SEMA6D: variants seen among roughly 807,000 people sequenced by gnomAD.
The protein encoded by SEMA6D is semaphorin-6D.
A neutral mutation model predicts 106.6 loss-of-function variants in SEMA6D; 35 were observed. The observed-to-expected ratio is 0.33, with a 90% CI of 0.25 to 0.44. The LOEUF is 0.44. SEMA6D is among the 20% of genes least tolerant of loss of function. The pLI is 1.00. For synonymous variants in SEMA6D, 499 were observed against 487.7 expected (o/e 1.02, Z -0.31); for missense variants, 1,185 against 1,345.9 (o/e 0.88, Z 1.87).
At chr15:47,271,021 A>C (rs1446873141) in intron 1 of SEMA6D, among the ~76,000 whole-genome samples, 1 of 152,190 alleles carries the variant, frequency 6.6e-6, no homozygotes, top group Non-Finnish European at 1.5e-5. Flanking sequence ...TGTACAAAGC[A>C]TTAACTATGT....
intron 4 of SEMA6D, among the ~76,000 whole-genome samples, chr15:47,706,797 A>G (rs1351072932): frequency 1.3e-5 from 2 of 150,968 alleles, no homozygotes; most frequent in Non-Finnish European, 3.0e-5. Context: ...CATAATATGA[A>G]TGAAGGAACA....
At chr15:47,487,203 A>T (rs1302814470) in intron 3 of SEMA6D, among the ~76,000 whole-genome samples, 2 of 152,224 alleles carry the variant, frequency 1.3e-5, no homozygotes, top group African/African-American at 4.8e-5. Flanking sequence ...TGCAAGTGAC[A>T]TTGTGCAAGA....
intron 3 of SEMA6D, among the ~76,000 whole-genome samples, chr15:47,555,128 C>G (rs2045879279): frequency 6.6e-6 from 1 of 152,072 alleles, no homozygotes; most frequent in Non-Finnish European, 1.5e-5. Flanking sequence ...GAGCCACTTC[C>G]CCAGGAGGAT....
At chr15:47,646,287 A>G (rs1253964745) in intron 4 of SEMA6D, among the ~76,000 whole-genome samples, 1 of 152,178 alleles carries the variant, frequency 6.6e-6, no homozygotes, top group Non-Finnish European at 1.5e-5. Flanking sequence ...CGGTTTTAGA[A>G]GCCGTATGCC....
chr15:47,732,709 T>C (rs2080200880), intron 1 of SEMA6D, among the ~76,000 whole-genome samples: 1 of 152,224 alleles, frequency 6.6e-6, no homozygotes, highest in South Asian at 2.1e-4. Flanking sequence ...ATTCAAAGTT[T>C]GGTGTTTGGC....
At chr15:47,613,588 A>T (rs925563231) in intron 4 of SEMA6D, among the ~76,000 whole-genome samples, 3 of 152,184 alleles carry the variant, frequency 2.0e-5, no homozygotes, top group Admixed American at 6.5e-5. Flanking sequence ...ATTGTAAGTA[A>T]AGAAAATATT....
intron 3 of SEMA6D, among the ~76,000 whole-genome samples, chr15:47,525,690 G>T (rs1263214046): frequency 6.6e-6 from 1 of 152,070 alleles, no homozygotes; most frequent in Non-Finnish European, 1.5e-5. Context: ...CCCTGAATTG[G>T]CTGGACCCTG....
intron 1 of SEMA6D, among the ~76,000 whole-genome samples, chr15:47,266,806 G>A (rs2034342167): frequency 6.6e-6 from 1 of 152,146 alleles, no homozygotes; most frequent in Non-Finnish European, 1.5e-5. Context: ...CTACCATGCT[G>A]AGCTGGAAAG....
At chr15:47,207,457 T>C (rs752130531) in intron 1 of SEMA6D, among the ~76,000 whole-genome samples, 2 of 152,204 alleles carry the variant, frequency 1.3e-5, no homozygotes, top group African/African-American at 4.8e-5. Context: ...ATTATTTTAT[T>C]ACCCTTTTCC....
chr15:47,660,456 G>A (rs2077895125), intron 4 of SEMA6D, among the ~76,000 whole-genome samples: 1 of 152,062 alleles, frequency 6.6e-6, no homozygotes, highest in South Asian at 2.1e-4. Flanking sequence ...AAAAATAAGA[G>A]TAGCAAGGTA....
intron 1 of SEMA6D, among the ~76,000 whole-genome samples, chr15:47,235,369 A>AT (rs1031945718): frequency 8.6e-5 from 13 of 151,310 alleles, no homozygotes; most frequent in African/African-American, 3.2e-4. Flanking sequence ...ATTATGTTGC[A>AT]TTTGCTTTTG....
intron 4 of SEMA6D, among the ~76,000 whole-genome samples, chr15:47,645,629 A>G (rs1421561304): frequency 6.6e-6 from 1 of 152,070 alleles, no homozygotes; most frequent in Non-Finnish European, 1.5e-5. Context: ...TGGATGTACT[A>G]TAATTCATTC....
chr15:47,417,091 A>G (rs569495006), intron 2 of SEMA6D, among the ~76,000 whole-genome samples: 131 of 152,226 alleles, frequency 8.6e-4, no homozygotes, highest in African/African-American at 3.1e-3. Context: ...ATTCTGCTAA[A>G]TTGAGGGGAA....
At position 47,771,419 on chromosome 15, in the gene SEMA6D, A is replaced by G. The variant is rs1472948721; in HGVS notation, c.2856A>G (p.Gly952=). The G allele has an allele frequency of 1.2e-6, 2 of 1,614,014 alleles. No homozygotes were observed. The highest frequency in any genetic ancestry group is 8.5e-7 in the Non-Finnish European group (1 of 1,180,010). ...TKRVDVPTTP[G]VPMTSLERQR... Reference sequence around the variant, plus strand: ...GAGTGGATGTCCCCACCACTCCTGGAGTCCCAATGACTTCTCTGGAAAGAC... The same window carrying G: ...GAGTGGATGTCCCCACCACTCCTGGGGTCCCAATGACTTCTCTGGAAAGAC... Residue 952 remains glycine, a synonymous_variant, in exon 19 of 19, where the codon GGA becomes GGG. Transcript: ENST00000536845.
intron 2 of SEMA6D, among the ~76,000 whole-genome samples, chr15:47,420,007 T>TG (rs1469529682): frequency 4.6e-5 from 7 of 152,066 alleles, no homozygotes; most frequent in Non-Finnish European, 8.8e-5. Flanking sequence ...ATGCAAGTTT[T>TG]GGGGGTGAGA....
Position 47,765,780 on chromosome 15 carries a change from C to T in SEMA6D, c.1428-89C>T, listed in dbSNP as rs180961218. On this transcript the variant is annotated intron_variant, in intron 13 of 18. Transcript: ENST00000536845. ...GCCTGGTTTGTTACCAAGAATATTC[C>T]TTATGATTTCCCAGGTCTCAGTAAT... 4.8e-6 allele frequency: 6 copies of T among 1,262,314 alleles called. No homozygotes were observed. The East Asian group carries it at 1.3e-4, about 27-fold the overall frequency. The allele number at this position is 1,262,314 out of a possible 1,614,324, so 78.2% of individuals were successfully genotyped here. A position where few individuals can be genotyped will look rare whatever the true frequency, so the allele number is the denominator to read the frequency against.
At chr15:47,598,410 A>T (rs1566922244) in intron 3 of SEMA6D, among the ~76,000 whole-genome samples, 1 of 152,172 alleles carries the variant, frequency 6.6e-6, no homozygotes, top group Non-Finnish European at 1.5e-5. Context: ...CCAAGACAGT[A>T]CATGATTGAT....
Position 47,771,569 on chromosome 15 carries a change from C to T in SEMA6D, c.3006C>T (p.Pro1002=), listed in dbSNP as rs780029484. 1.2e-5 allele frequency: 19 copies of T among 1,614,070 alleles called. No individual in the cohort carries two copies. The highest frequency in any genetic ancestry group is 1.6e-5 in the Non-Finnish European group (19 of 1,179,974). ...QPSMNRGGYM[P]TPTGAKVDYI... is the part of the protein sequence containing the mutation. ...GTATGAACCGTGGAGGATATATGCCCACCCCCACTGGGGCGAAGGTGGACT... is the reference window on the plus strand; with the variant it reads ...GTATGAACCGTGGAGGATATATGCCTACCCCCACTGGGGCGAAGGTGGACT... The change falls in exon 19 of 19, where the codon CCC becomes CCT. Residue 1002 remains proline, a synonymous_variant. Transcript: ENST00000536845.
intron 1 of SEMA6D, among the ~76,000 whole-genome samples, chr15:47,754,037 A>G (rs1245380221): frequency 6.6e-6 from 1 of 152,178 alleles, no homozygotes; most frequent in Non-Finnish European, 1.5e-5. Context: ...CAAAGACTAT[A>G]TACCACTTTC....
Sources: allele counts gnomAD v4.1 joint callset (sites outside exome capture counted in the v4.1 genomes callset), GRCh38; gene constraint gnomAD v4.1.1; transcripts MANE v1.5; gene names NCBI Gene and HGNC (gene_info 2026-07-23, HGNC 2026-07-21).